Variants in RASAL1 observed in about 807,000 individuals in gnomAD.
The protein encoded by RASAL1 is RAS protein activator like 1.
Under a neutral mutation model 96.6 loss-of-function variants are expected in RASAL1, and 72 were observed. The observed-to-expected ratio is 0.75, with a 90% CI of 0.62 to 0.91. RASAL1 has a LOEUF of 0.91. Ranked by LOEUF, RASAL1 falls within the 40% of genes least tolerant of loss-of-function variation. The pLI is 0.00. For missense variants in RASAL1, 1,016 were observed against 1,072.5 expected, an observed-to-expected ratio of 0.95 and a Z score of 0.74; for synonymous variants, 405 against 430.4, an observed-to-expected ratio of 0.94 and a Z score of 0.73.
Position 113,135,330 on chromosome 12 carries a change from AAGGGCG to A in RASAL1, c.65+62_65+67del, listed in dbSNP as rs1386677057. 2.7e-6 allele frequency: 4 copies of A among 1,463,490 alleles called. No homozygotes were observed. The highest frequency in any genetic ancestry group is 1.4e-5 in the African/African-American group (1 of 71,170). The allele number at this position is 1,463,490 out of a possible 1,614,324, so 90.7% of individuals were successfully genotyped here. A position where few individuals can be genotyped will look rare whatever the true frequency, so the allele number is the denominator to read the frequency against. On this transcript the variant is annotated intron_variant, in intron 1 of 20. Coordinates refer to ENST00000548055, the MANE Select transcript of RASAL1 (RefSeq NM_001301202.2). The surrounding 1 kb of genome is among the most constrained non-coding windows in gnomAD (Gnocchi z 5.7). ...CTGCCAACCCGCCCTGGCACGCGGAAAGGGCGACGTCGGCCCCACCCCAGGCCTTGC... is the reference window on the plus strand; with the variant it reads ...CTGCCAACCCGCCCTGGCACGCGGAAACGTCGGCCCCACCCCAGGCCTTGC...
At chr12:113,123,859 A>C (rs1485000292) in intron 4 of RASAL1, among the ~76,000 whole-genome samples, 1 of 152,112 alleles carries the variant, frequency 6.6e-6, no homozygotes. Context: ...CTGGGATTAC[A>C]CACGTGAGCT....
Position 113,119,196 on chromosome 12 carries a change from C to G in RASAL1, c.574G>C (p.Ala192Pro), listed in dbSNP as rs762964830. The G allele has an allele frequency of 5.6e-6, 9 of 1,614,046 alleles. No homozygotes were observed. The highest frequency in any genetic ancestry group is 7.6e-6 in the Non-Finnish European group (9 of 1,179,942). The part of the protein sequence containing the change: ...EVLELREMPG[A>P]PSPLRVELWD... Reference sequence around the variant, plus strand: ...AGCTCCACCCGCAGTGGGGACGGGGCACCTGGCATCTCCCGCAGCTCCAGC... The same window carrying G: ...AGCTCCACCCGCAGTGGGGACGGGGGACCTGGCATCTCCCGCAGCTCCAGC... The change falls in exon 7 of 21, where the codon GCC becomes CCC. Residue 192 changes from alanine (A) to proline (P), a missense_variant. Physicochemically the swap from Ala to Pro is conservative, Grantham distance 27 (BLOSUM62 -1). Coordinates refer to ENST00000548055, the MANE Select transcript of RASAL1 (RefSeq NM_001301202.2).
At chr12:113,108,048 T>G in intron 14 of RASAL1, 37 bp downstream of exon 14, 1 of 1,580,400 alleles carries the variant, frequency 6.3e-7, no homozygotes, top group South Asian at 1.1e-5. Context: ...TTTCCCTGGC[T>G]AAAGTACCTA....
chr12:113,106,635 C>G (rs1950656186), intron 15 of RASAL1, among the ~76,000 whole-genome samples: 1 of 151,700 alleles, frequency 6.6e-6, no homozygotes, highest in African/African-American at 2.4e-5. Context: ...CCTTTCAGAT[C>G]TCTGTTCTTT....
At chr12:113,116,764 A>G (rs952531964) in intron 8 of RASAL1, among the ~76,000 whole-genome samples, 3 of 152,250 alleles carry the variant, frequency 2.0e-5, no homozygotes, top group Admixed American at 2.0e-4. Context: ...AGGACAGGCA[A>G]GTGGAGATGG....
chr12:113,106,262 C>A, intron 15 of RASAL1, among the ~76,000 whole-genome samples: 1 of 152,078 alleles, frequency 6.6e-6, no homozygotes, highest in South Asian at 2.1e-4. Flanking sequence ...AGGGACCCCA[C>A]CATGCCACAG....
In RASAL1 at chr12:113,128,972, GACAC is replaced by G. The variant is rs35122341; in HGVS notation, c.123-798_123-795del. 5.6e-3 allele frequency among the ~76,000 whole-genome samples: 797 copies of G among 142,810 alleles called. 6 individuals carry two copies. Among genetic ancestry groups the G allele is most frequent in the African/African-American group, 0.012 (464 of 39,244 alleles). 93.7% of individuals were successfully genotyped at this position (142,810 alleles called of 152,430 possible). A position where few individuals can be genotyped will look rare whatever the true frequency, so the allele number is the denominator to read the frequency against. On this transcript the variant is annotated intron_variant, in intron 2 of 20. Coordinates refer to ENST00000548055, the MANE Select transcript of RASAL1 (RefSeq NM_001301202.2). ...ACAGTCATACAAACACACAGTCACTGACACACACACACACACACACACACACACA... is the reference window on the plus strand; with the variant it reads ...ACAGTCATACAAACACACAGTCACTGACACACACACACACACACACACACA...
chr12:113,111,826 T>C (rs1045719369), intron 13 of RASAL1, among the ~76,000 whole-genome samples: 1 of 152,052 alleles, frequency 6.6e-6, no homozygotes, highest in Non-Finnish European at 1.5e-5. Flanking sequence ...ACTCCTCACT[T>C]CACTTGAAAG....
intron 4 of RASAL1, among the ~76,000 whole-genome samples, chr12:113,125,125 A>G (rs1794480501): frequency 6.6e-6 from 1 of 151,530 alleles, no homozygotes; most frequent in Non-Finnish European, 1.5e-5. Flanking sequence ...ACATATACAT[A>G]TATGTGTGTG....
At chr12:113,133,980 C>G (rs1211188452) in intron 1 of RASAL1, among the ~76,000 whole-genome samples, 3 of 152,212 alleles carry the variant, frequency 2.0e-5, no homozygotes, top group Admixed American at 6.5e-5. Context: ...ACCTCTCACC[C>G]AGGGCTGGTG....
rs1355226073 is a variant in RASAL1 at position 113,104,013 on chromosome 12, C to G, written c.2037G>C (p.Leu679=). The part of the protein sequence containing the change: ...RKASAPNPNK[L]AACHPGAFRS... Reference sequence around the variant, plus strand: ...GGAAGGCACCGGGGTGGCAGGCGGCCAGCTTGTTCGGGTTGGGGGCGCTGG... The same window carrying G: ...GGAAGGCACCGGGGTGGCAGGCGGCGAGCTTGTTCGGGTTGGGGGCGCTGG... Residue 679 remains leucine (L), a synonymous_variant, in exon 18 of 21, where the codon CTG becomes CTC. Transcript: ENST00000548055. 6.3e-7 allele frequency: 1 copy of G among 1,575,170 alleles called. No homozygotes were observed. The highest frequency in any genetic ancestry group is 8.6e-7 in the Non-Finnish European group (1 of 1,159,356).
rs958610053 is a variant in RASAL1 at position 113,099,328 on chromosome 12, A to C, written c.*601T>G. ...AGGGTAATCTGAGACCCAGAGAGAG[A>C]TAAACAGCCTGGCCCAAGGTCTCCC... On this transcript the variant is annotated 3_prime_UTR_variant, in exon 21 of 21. Coordinates refer to ENST00000548055, the MANE Select transcript of RASAL1 (RefSeq NM_001301202.2). The C allele has an allele frequency of 6.6e-6, 1 of 152,182 alleles. No individual in the cohort carries two copies. The highest frequency in any genetic ancestry group is 2.4e-5 in the African/African-American group (1 of 41,444). The allele number at this position is 152,182 out of a possible 1,614,324, so 9.4% of individuals were successfully genotyped here.
intron 13 of RASAL1, among the ~76,000 whole-genome samples, chr12:113,110,168 C>A (rs1158927721): frequency 6.6e-6 from 1 of 152,198 alleles, no homozygotes; most frequent in Non-Finnish European, 1.5e-5. Flanking sequence ...AGCCAAGCTA[C>A]ATCCCAGTCT....
In RASAL1 at chr12:113,107,256, C is replaced by T. The variant is rs749286903; in HGVS notation, c.1513-15G>A. 45 of 1,576,098 alleles carry T rather than the reference C, an allele frequency of 2.9e-5. No homozygotes were observed. In the East Asian group the frequency reaches 6.8e-4, roughly 24 times the overall value. ...CTCTGCACAGCCTGGAGCAAAGAAG[C>T]GAGGGATGCCGGGGCCAAGGTCACA... On this transcript the variant is annotated splice_polypyrimidine_tract_variant and intron_variant, in intron 14 of 20. Transcript: ENST00000548055.
chr12:113,132,874 C>T (rs1157169242), intron 1 of RASAL1, among the ~76,000 whole-genome samples: 1 of 152,218 alleles, frequency 6.6e-6, no homozygotes, highest in Non-Finnish European at 1.5e-5. Flanking sequence ...TGGAGTGCCC[C>T]AAGCCTCAGT....
At chr12:113,103,887 G>T in intron 18 of RASAL1, 59 bp downstream of exon 18, 1 of 1,538,896 alleles carries the variant, frequency 6.5e-7, no homozygotes. Context: ...GCGGAAGTGG[G>T]ACACCCGCTG....
rs901857281 is a variant in RASAL1 at position 113,130,554 on chromosome 12, G to C, written c.122+331C>G. 6.6e-6 allele frequency among the ~76,000 whole-genome samples: 1 copy of C among 152,076 alleles called. No homozygotes were observed. The highest frequency in any genetic ancestry group is 1.5e-5 in the Non-Finnish European group (1 of 68,020). On this transcript the variant is annotated intron_variant, in intron 2 of 20. Coordinates refer to ENST00000548055, the MANE Select transcript of RASAL1 (RefSeq NM_001301202.2). The surrounding 1 kb of genome is among the most constrained non-coding windows in gnomAD (Gnocchi z 5.1). ...ATGCCCACGCGCACAGACATCCCCA[G>C]TGCCCGCAGCACCCGGCAGGCCCGG...
intron 16 of RASAL1, 115 bp from the exon 17 acceptor site, chr12:113,104,413 A>T (rs1592886251): frequency 1.9e-6 from 2 of 1,046,256 alleles, no homozygotes; most frequent in Admixed American, 4.3e-5. Flanking sequence ...GGGACATTCA[A>T]CCCTGTAAGT....
At chr12:113,120,067 C>T (rs771346391) in intron 5 of RASAL1, among the ~76,000 whole-genome samples, 137 of 152,122 alleles carry the variant, frequency 9.0e-4, no homozygotes, top group Non-Finnish European at 1.5e-3. Flanking sequence ...CCATTGGTTG[C>T]CATGACAACC....
Sources: allele counts gnomAD v4.1 joint callset (sites outside exome capture counted in the v4.1 genomes callset), GRCh38; gene constraint gnomAD v4.1.1; non-coding constraint Gnocchi (gnomAD v3.1); transcripts MANE v1.5; gene names NCBI Gene and HGNC (gene_info 2026-07-23, HGNC 2026-07-21).